Variants in AKR1C3 observed in about 807,000 individuals in gnomAD.
AKR1C3 encodes aldo-keto reductase family 1 member C3.
A neutral mutation model predicts 43.6 loss-of-function variants in AKR1C3; 48 were observed. The ratio of observed to expected loss-of-function variants is 1.10; its 90% confidence interval spans 0.87 to 1.40. The LOEUF is 1.40. Among genes scored for constraint, AKR1C3 ranks in the 40% most tolerant of loss-of-function variants. AKR1C3 has a pLI of 0.00. For missense variants in AKR1C3, 482 were observed against 391.2 expected, an observed-to-expected ratio of 1.23 and a Z score of -1.96; for synonymous variants, 162 against 139.6, an observed-to-expected ratio of 1.16 and a Z score of -1.13.
chr10:5,090,106 G>C (rs188917144), upstream of AKR1C3, among the ~76,000 whole-genome samples: 2 of 152,190 alleles, frequency 1.3e-5, no homozygotes, highest in Admixed American at 6.5e-5. Context: ...GTATATACTC[G>C]ATCTTTGTTT....
intron 2 of AKR1C3, 148 bp from the exon 3 acceptor site, chr10:5,097,286 A>G (rs1839228833): frequency 1.0e-6 from 1 of 970,254 alleles, no homozygotes; most frequent in Non-Finnish European, 1.5e-6. Flanking sequence ...GGTCAGAGCC[A>G]AAGGAATCAT....
rs1839483592 is a variant in AKR1C3, at chr10:5,105,690, T to C, written c.929+13T>C. On this transcript the variant is annotated intron_variant, in intron 8 of 8. Transcript: ENST00000380554. ...TTAACAGTGATAGGTAAGTTTCCTT[T>C]GTAAATGGGTGATCTAATTTATTTC... The C allele has an allele frequency of 6.3e-7, 1 of 1,587,484 alleles. No individual in the cohort carries two copies. The highest frequency in any genetic ancestry group is 2.2e-5 in the East Asian group (1 of 44,696).
chr10:5,070,702 A>T (rs1222910465), intron 1 of AKR1C3, among the ~76,000 whole-genome samples: 1 of 152,138 alleles, frequency 6.6e-6, no homozygotes, highest in African/African-American at 2.4e-5. Context: ...TGTTAAAGAG[A>T]TTCAAGAGAG....
chr10:5,093,190 ACTACATTT>A (rs1554784583), upstream of AKR1C3, among the ~76,000 whole-genome samples: 1 of 152,016 alleles, frequency 6.6e-6, no homozygotes, highest in African/African-American at 2.4e-5. Context: ...TTGGCATCAT[ACTACATTT>A]CTACTCAGCA....
intron 1 of AKR1C3, among the ~76,000 whole-genome samples, chr10:5,061,442 C>T (rs1838381043): frequency 6.6e-6 from 1 of 152,130 alleles, no homozygotes; most frequent in Non-Finnish European, 1.5e-5. Flanking sequence ...AGGAATGAGG[C>T]ATCCCTATGG....
At chr10:5,067,497 A>G (rs1838532351) in intron 1 of AKR1C3, among the ~76,000 whole-genome samples, 2 of 152,200 alleles carry the variant, frequency 1.3e-5, no homozygotes, top group South Asian at 4.1e-4. Context: ...AGATCTTCTG[A>G]TGTTCTCAGA....
At chr10:5,080,202 G>A (rs1838802753) in intron 1 of AKR1C3, among the ~76,000 whole-genome samples, 1 of 152,138 alleles carries the variant, frequency 6.6e-6, no homozygotes, top group Admixed American at 6.5e-5. Context: ...ATGTGGAGAT[G>A]GGAAACACTG....
intron 1 of AKR1C3, among the ~76,000 whole-genome samples, chr10:5,088,755 A>C (rs1466540441): frequency 6.6e-6 from 1 of 151,816 alleles, no homozygotes; most frequent in Admixed American, 6.6e-5. Flanking sequence ...CCTTTTATCA[A>C]ATTTTCTGTT....
In AKR1C3 at chr10:5,079,232, G is replaced by A. The variant is rs189560543; in HGVS notation, c.85-17178G>A. Among the ~76,000 whole-genome samples, 190 of 152,222 alleles carry A rather than the reference G, an allele frequency of 1.2e-3. 2 individuals carry two copies. Among genetic ancestry groups the A allele is most frequent in the Middle Eastern group, 3.4e-3 (1 of 292 alleles). On this transcript the variant is annotated intron_variant, in intron 1 of 8. Transcript: ENST00000439082. ...CTGCCTTCCCAGGAGGCAGGAGTGG[G>A]GCCCCCAACTGAGGAGCTCATGGTG...
At chr10:5,093,209 C>A (rs1306665820), upstream of AKR1C3, among the ~76,000 whole-genome samples, 1 of 152,038 alleles carries the variant, frequency 6.6e-6, no homozygotes, top group Non-Finnish European at 1.5e-5. Flanking sequence ...CTACTCAGCA[C>A]CCCCATAAAT....
At chr10:5,089,141 G>T (rs1839032734) in intron 1 of AKR1C3, among the ~76,000 whole-genome samples, 1 of 151,978 alleles carries the variant, frequency 6.6e-6, no homozygotes, top group African/African-American at 2.4e-5. Context: ...TTCTTTAGAG[G>T]TGATTTGTAG....
chr10:5,090,255 G>T (rs72549131), upstream of AKR1C3, among the ~76,000 whole-genome samples: 2,948 of 152,174 alleles, frequency 0.019, 80 homozygotes, highest in African/African-American at 0.063. Context: ...ATACCCCAGT[G>T]ATGAGCACAG....
At chr10:5,065,284 A>G (rs12782302) in intron 1 of AKR1C3, among the ~76,000 whole-genome samples, 11,589 of 152,300 alleles carry the variant, frequency 0.076, 612 homozygotes, top group Non-Finnish European at 0.11. Context: ...AAATCATTCT[A>G]TCATAAAGAC....
intron 1 of AKR1C3, among the ~76,000 whole-genome samples, chr10:5,082,542 CA>C (rs1427642632): frequency 6.6e-5 from 10 of 151,504 alleles, no homozygotes; most frequent in African/African-American, 2.4e-4. Flanking sequence ...TTGGGATGAT[CA>C]TTTTTTTTTT....
intron 1 of AKR1C3, among the ~76,000 whole-genome samples, chr10:5,088,857 A>G (rs1414381643): frequency 6.6e-6 from 1 of 151,978 alleles, no homozygotes; most frequent in African/African-American, 2.4e-5. Flanking sequence ...TTGTTAGCCA[A>G]TTGCTTTAGA....
intron 5 of AKR1C3, among the ~76,000 whole-genome samples, chr10:5,100,127 T>C (rs1456102130): frequency 1.3e-5 from 2 of 152,108 alleles, no homozygotes; most frequent in African/African-American, 4.8e-5. Context: ...AGCCCATCTC[T>C]ACTAAAAATA....
intron 5 of AKR1C3, among the ~76,000 whole-genome samples, chr10:5,101,170 C>G (rs1564370866): frequency 2.0e-5 from 3 of 152,250 alleles, no homozygotes; most frequent in Admixed American, 1.3e-4. Flanking sequence ...AAGTTGTGAG[C>G]TGATCTGTTC....
At chr10:5,107,427 A>G (rs1839534735) in intron 8 of AKR1C3, 34 bp from the exon 9 acceptor site, 3 of 1,433,866 alleles carry the variant, frequency 2.1e-6, no homozygotes, top group Non-Finnish European at 2.9e-6. Flanking sequence ...TAATGGAGTC[A>G]TTGCATTTAT....
intron 5 of AKR1C3, among the ~76,000 whole-genome samples, chr10:5,100,051 G>C (rs1839309643): frequency 6.6e-6 from 1 of 152,224 alleles, no homozygotes; most frequent in Non-Finnish European, 1.5e-5. Flanking sequence ...CCAGCACTTT[G>C]GGAGGCAAAG....
Sources: allele counts gnomAD v4.1 joint callset (sites outside exome capture counted in the v4.1 genomes callset), GRCh38; gene constraint gnomAD v4.1.1; transcripts MANE v1.5; gene names NCBI Gene and HGNC (gene_info 2026-07-23, HGNC 2026-07-21).